Variants in NTRK2 observed in about 807,000 individuals in gnomAD.
NTRK2 encodes BDNF/NT-3 growth factors receptor.
Under a neutral mutation model 94.5 loss-of-function variants are expected in NTRK2, and 13 were observed. The ratio of observed to expected loss-of-function variants is 0.14; its 90% CI spans 0.09 to 0.22. The LOEUF is 0.22. NTRK2 is among the 10% of genes least tolerant of loss of function. NTRK2 has a pLI of 1.00. For synonymous variants in NTRK2, 372 were observed against 407.4 expected, an observed-to-expected ratio of 0.91 and a Z score of 1.05; for missense variants, 639 against 1,071.2, an observed-to-expected ratio of 0.60 and a Z score of 5.63.
At chr9:84,670,066 G>C (rs2058604549) in intron 1 of NTRK2, among the ~76,000 whole-genome samples, 178 bp downstream of exon 1, 1 of 152,174 alleles carries the variant, frequency 6.6e-6, no homozygotes, top group African/African-American at 2.4e-5. Context: ...CAAAGCCGCC[G>C]GCAGTCTCCG....
intron 12 of NTRK2, among the ~76,000 whole-genome samples, chr9:84,853,792 C>T (rs2074908612): frequency 6.6e-6 from 1 of 152,278 alleles, no homozygotes; most frequent in African/African-American, 2.4e-5. Flanking sequence ...GCATAAGGAC[C>T]TTCTCTGGTC....
chr9:84,886,199 T>A (rs182549811), intron 14 of NTRK2, among the ~76,000 whole-genome samples: 52 of 152,352 alleles, frequency 3.4e-4, no homozygotes, highest in Admixed American at 2.2e-3. Context: ...GAAGAATTTG[T>A]TGTGGACTCA....
At chr9:84,942,788 A>C (rs1024016672) in intron 15 of NTRK2, among the ~76,000 whole-genome samples, 11 of 151,906 alleles carry the variant, frequency 7.2e-5, no homozygotes, top group African/African-American at 4.8e-5. Flanking sequence ...TTTTTTACCT[A>C]AAATACATCT....
intron 12 of NTRK2, among the ~76,000 whole-genome samples, chr9:84,828,574 TACA>T (rs1004570710): frequency 1.3e-5 from 2 of 152,184 alleles, no homozygotes; most frequent in African/African-American, 4.8e-5. Context: ...GCCTCATTAG[TACA>T]ACAACACAAC....
chr9:84,678,387 A>C (rs921495264), intron 2 of NTRK2, among the ~76,000 whole-genome samples: 2 of 152,230 alleles, frequency 1.3e-5, no homozygotes, highest in Non-Finnish European at 2.9e-5. Context: ...AATGTAAACA[A>C]AATTGAAAGG....
intron 17 of NTRK2, among the ~76,000 whole-genome samples, chr9:84,998,782 A>T (rs1309734941): frequency 1.3e-5 from 2 of 152,160 alleles, no homozygotes; most frequent in Non-Finnish European, 2.9e-5. Context: ...AAGGAAAGAG[A>T]AGAAATTTGA....
chr9:84,739,742 T>C (rs975018267), intron 9 of NTRK2, among the ~76,000 whole-genome samples: 16 of 152,214 alleles, frequency 1.1e-4, no homozygotes, highest in African/African-American at 3.6e-4. Context: ...GCCCCAGAAC[T>C]AGAAAAAGCC....
chr9:84,902,434 G>A (rs1214895523), intron 14 of NTRK2, among the ~76,000 whole-genome samples: 1 of 152,112 alleles, frequency 6.6e-6, no homozygotes, highest in African/African-American at 2.4e-5. Context: ...GAAGGAGAGG[G>A]GAGGTGAAAA....
At chr9:84,669,496 T>C (rs1162013553), upstream of NTRK2, 1 of 152,148 alleles carries the variant, frequency 6.6e-6, no homozygotes, top group Non-Finnish European at 1.5e-5. The surrounding 1 kb of genome is among the most constrained non-coding windows in gnomAD (Gnocchi z 4.1). Context: ...ACGGCCAGGA[T>C]GTGTGCGTGT....
intron 11 of NTRK2, among the ~76,000 whole-genome samples, chr9:84,749,062 C>A (rs2064349642): frequency 6.6e-6 from 1 of 152,074 alleles, no homozygotes; most frequent in South Asian, 2.1e-4. Context: ...AACCCCGTCT[C>A]TACTAAAAAT....
Position 84,948,458 on chromosome 9 carries a change from C to A in NTRK2, c.1765-4C>A, listed in dbSNP as rs200663989. 105 of 1,614,024 alleles carry A rather than the reference C, an allele frequency of 6.5e-5. 2 individuals are homozygous for A. The South Asian group carries it at 1.1e-3, about 17-fold the overall frequency. On this transcript the variant is annotated splice_region_variant and splice_polypyrimidine_tract_variant and intron_variant, in intron 15 of 18. Transcript: ENST00000277120. Reference sequence around the variant, plus strand: ...AATCCTTCTCTTTTAACACCCATCCCCAGACCCTGAAGGATGCCAGTGACA... The same window carrying A: ...AATCCTTCTCTTTTAACACCCATCCACAGACCCTGAAGGATGCCAGTGACA...
chr9:84,682,762 A>G (rs2059469993), intron 2 of NTRK2, among the ~76,000 whole-genome samples: 1 of 152,244 alleles, frequency 6.6e-6, no homozygotes, highest in Non-Finnish European at 1.5e-5. Context: ...TTGTACACAA[A>G]TGAGGGCATG....
At chr9:84,915,328 G>A (rs2077363349) in intron 14 of NTRK2, among the ~76,000 whole-genome samples, 1 of 152,200 alleles carries the variant, frequency 6.6e-6, no homozygotes, top group South Asian at 2.1e-4. Context: ...GTGGATCCTG[G>A]TGAGAGATGT....
At chr9:84,994,093 A>G (rs1171935098) in intron 17 of NTRK2, among the ~76,000 whole-genome samples, 5 of 152,214 alleles carry the variant, frequency 3.3e-5, no homozygotes, top group African/African-American at 1.2e-4. Flanking sequence ...GGTTACTTCC[A>G]AGCGCAACAT....
chr9:84,954,920 C>T (rs931054992), intron 16 of NTRK2, among the ~76,000 whole-genome samples: 1 of 152,326 alleles, frequency 6.6e-6, no homozygotes. Context: ...CCTTCACCTA[C>T]CTGCTGCTTC....
At chr9:84,906,887 C>T (rs949593485) in intron 14 of NTRK2, among the ~76,000 whole-genome samples, 1 of 152,200 alleles carries the variant, frequency 6.6e-6, no homozygotes, top group Non-Finnish European at 1.5e-5. Flanking sequence ...CTTCCCCCAT[C>T]ATGTCCATCC....
At chr9:84,672,185 C>G (rs1481479267) in intron 2 of NTRK2, among the ~76,000 whole-genome samples, 1 of 152,150 alleles carries the variant, frequency 6.6e-6, no homozygotes, top group Non-Finnish European at 1.5e-5. Flanking sequence ...AGTAAGAGAC[C>G]TTCCTAGTCT....
At chr9:84,847,079 T>C (rs2131844829) in intron 12 of NTRK2, among the ~76,000 whole-genome samples, 1 of 152,342 alleles carries the variant, frequency 6.6e-6, no homozygotes, top group East Asian at 1.9e-4. Context: ...TTCATTCCCA[T>C]GGAAATTGCT....
chr9:84,861,710 G>A (rs2075347993), intron 13 of NTRK2, among the ~76,000 whole-genome samples: 1 of 152,136 alleles, frequency 6.6e-6, no homozygotes, highest in African/African-American at 2.4e-5. Context: ...CCTCTAATTT[G>A]TTCAGAATTT....
Sources: gnomAD v4.1 joint callset for allele counts (sites outside exome capture counted in the v4.1 genomes callset) on GRCh38, gnomAD v4.1.1 for gene constraint, Gnocchi (gnomAD v3.1) non-coding constraint, MANE v1.5 for transcripts, NCBI Gene and HGNC (gene_info 2026-07-23, HGNC 2026-07-21) for gene names.